CTNNA3: variants seen among roughly 807,000 people sequenced by gnomAD.
The protein encoded by CTNNA3 is catenin alpha 3.
CTNNA3 carries 76 observed loss-of-function variants against 95.7 expected under a neutral mutation model. That is an observed-to-expected ratio of 0.79 (90% confidence interval 0.66 to 0.96). CTNNA3 has a LOEUF of 0.96. Among genes scored for constraint, CTNNA3 ranks in the 40% least tolerant of loss-of-function variants. The pLI, the probability that CTNNA3 is intolerant of heterozygous loss-of-function variation, is 0.00. For synonymous variants in CTNNA3, 431 were observed against 374.4 expected (o/e 1.15, Z -1.74); for missense variants, 1,191 against 1,089.8 (o/e 1.09, Z -1.31).
At chr10:67,078,951 G>A (rs1215406132) in intron 7 of CTNNA3, among the ~76,000 whole-genome samples, 1 of 152,232 alleles carries the variant, frequency 6.6e-6, no homozygotes, top group Non-Finnish European at 1.5e-5. Flanking sequence ...ATTTGATTAT[G>A]TGACTTAGAA....
At chr10:66,854,202 G>T (rs1008051493) in intron 7 of CTNNA3, among the ~76,000 whole-genome samples, 1 of 151,930 alleles carries the variant, frequency 6.6e-6, no homozygotes. Context: ...ACAAAATTGA[G>T]ATATTTCCAA....
intron 3 of CTNNA3, among the ~76,000 whole-genome samples, chr10:67,553,019 A>G (rs1056375542): frequency 6.6e-6 from 1 of 151,784 alleles, no homozygotes; most frequent in African/African-American, 2.4e-5. Flanking sequence ...ATTGCCAGAA[A>G]CTTCTCTTGT....
chr10:66,122,325 T>C (rs1275202255), intron 13 of CTNNA3, among the ~76,000 whole-genome samples: 5 of 152,170 alleles, frequency 3.3e-5, no homozygotes. Context: ...AAAAATTACT[T>C]AATAAAGAGC....
At chr10:66,014,323 G>T (rs1247425454) in intron 15 of CTNNA3, among the ~76,000 whole-genome samples, 1 of 150,988 alleles carries the variant, frequency 6.6e-6, no homozygotes, top group African/African-American at 2.4e-5. Context: ...TCAGCAATGT[G>T]GTTGAGTAGC....
chr10:66,308,719 G>A (rs2091963974), intron 12 of CTNNA3, among the ~76,000 whole-genome samples: 1 of 151,768 alleles, frequency 6.6e-6, no homozygotes, highest in South Asian at 2.1e-4. Context: ...CTTTTTAAAA[G>A]CAAATTATGT....
intron 7 of CTNNA3, chr10:67,098,699 A>C (rs1244708497): frequency 2.0e-5 from 3 of 152,364 alleles, no homozygotes; most frequent in Admixed American, 6.6e-5. Context: ...TTTGTGATAC[A>C]GTTAAAAGGT....
chr10:67,742,679 C>T (rs1207997315), intron 1 of CTNNA3, among the ~76,000 whole-genome samples: 1 of 150,720 alleles, frequency 6.6e-6, no homozygotes, highest in African/African-American at 2.4e-5. Flanking sequence ...AATAGAGACA[C>T]AAAAAACCCT....
intron 7 of CTNNA3, among the ~76,000 whole-genome samples, chr10:66,999,126 TA>T (rs1294617440): frequency 6.6e-6 from 1 of 152,124 alleles, no homozygotes; most frequent in Non-Finnish European, 1.5e-5. Context: ...ATTTCAAAAT[TA>T]AAGATATTTG....
intron 5 of CTNNA3, among the ~76,000 whole-genome samples, chr10:67,373,587 A>C (rs1003056907): frequency 4.6e-5 from 7 of 152,172 alleles, no homozygotes; most frequent in Admixed American, 2.0e-4. Context: ...GTTAACAAAG[A>C]TATCCAGGAA....
intron 13 of CTNNA3, among the ~76,000 whole-genome samples, chr10:66,251,687 C>G: frequency 6.6e-6 from 1 of 152,040 alleles, no homozygotes; most frequent in East Asian, 1.9e-4. Flanking sequence ...TTCATTATAT[C>G]AAAATATTTT....
At chr10:67,442,432 A>G (rs1000173612) in intron 5 of CTNNA3, among the ~76,000 whole-genome samples, 8 of 152,136 alleles carry the variant, frequency 5.3e-5, no homozygotes, top group African/African-American at 9.7e-5. Context: ...GATTAAAAAA[A>G]AGAGAGAGAC....
intron 7 of CTNNA3, among the ~76,000 whole-genome samples, chr10:67,094,200 T>A (rs2131920722): frequency 6.6e-6 from 1 of 152,012 alleles, no homozygotes; most frequent in East Asian, 1.9e-4. Flanking sequence ...AGCAAAAATA[T>A]CCCTCCCTTA....
intron 5 of CTNNA3, among the ~76,000 whole-genome samples, chr10:67,495,467 C>A (rs2133088795): frequency 6.6e-6 from 1 of 152,318 alleles, no homozygotes; most frequent in Non-Finnish European, 1.5e-5. Context: ...CATCTCAGAT[C>A]TCCCAAATTT....
At chr10:66,340,376 C>A (rs979803458) in intron 12 of CTNNA3, among the ~76,000 whole-genome samples, 1 of 151,738 alleles carries the variant, frequency 6.6e-6, no homozygotes, top group African/African-American at 2.4e-5. Context: ...CACAGCTAAT[C>A]CCTTGGGTGG....
chr10:66,133,647 C>T (rs2083227413), intron 13 of CTNNA3, among the ~76,000 whole-genome samples: 1 of 148,522 alleles, frequency 6.7e-6, no homozygotes, highest in African/African-American at 2.5e-5. Flanking sequence ...TGAAAATATA[C>T]ACTAGGTGAT....
At chr10:67,260,743 G>A (rs1415540441) in intron 5 of CTNNA3, among the ~76,000 whole-genome samples, 1 of 151,668 alleles carries the variant, frequency 6.6e-6, no homozygotes, top group East Asian at 1.9e-4. Flanking sequence ...GGAGTGCAGT[G>A]GCTCAATCTC....
chr10:66,243,062 A>G (rs1271530319), intron 13 of CTNNA3, among the ~76,000 whole-genome samples: 1 of 151,448 alleles, frequency 6.6e-6, no homozygotes, highest in Non-Finnish European at 1.5e-5. Context: ...GGGGTCAGAC[A>G]TATCTCATTA....
At chr10:66,098,057 A>T (rs533466427) in intron 14 of CTNNA3, 1 of 152,220 alleles carries the variant, frequency 6.6e-6, no homozygotes, top group South Asian at 2.1e-4. Context: ...GGGCATTACC[A>T]GGTAGTTTCT....
At chr10:67,206,395 T>A (rs1197436059) in intron 6 of CTNNA3, among the ~76,000 whole-genome samples, 1 of 152,220 alleles carries the variant, frequency 6.6e-6, no homozygotes, top group Non-Finnish European at 1.5e-5. Flanking sequence ...GTGAAGGGTA[T>A]CCTGGGTTGG....
Sources: allele counts gnomAD v4.1 joint callset (sites outside exome capture counted in the v4.1 genomes callset), GRCh38; gene constraint gnomAD v4.1.1; transcripts MANE v1.5; gene names NCBI Gene and HGNC (gene_info 2026-07-23, HGNC 2026-07-21).